The following KLHL4 variants were observed in gnomAD, a reference collection of about 807,000 sequenced individuals.
The protein encoded by KLHL4 is kelch like family member 4, also known as kelch-like protein 4.
KLHL4 carries 17 observed loss-of-function variants against 45.8 expected under a neutral mutation model. That is an observed-to-expected ratio of 0.37 (90% CI 0.25 to 0.56). KLHL4 has a LOEUF of 0.56. Ranked by LOEUF, KLHL4 falls within the 20% of genes least tolerant of loss-of-function variation. The pLI is 0.79. For missense variants in KLHL4, 544 were observed against 544.9 expected, an observed-to-expected ratio of 1.00 and a Z score of 0.02; for synonymous variants, 224 against 189.9, an observed-to-expected ratio of 1.18 and a Z score of -1.47.
At chrX:87,535,315 T>C (rs1287010271) in intron 1 of KLHL4, among the ~76,000 whole-genome samples, 1 of 111,732 alleles carries the variant, frequency 8.9e-6, no homozygotes, top group East Asian at 2.8e-4. Context: ...TTCTTCCTTC[T>C]GATAAAATTA....
Position 87,633,870 on chromosome X carries a change from A to T in KLHL4, c.1671A>T (p.Ser557=), listed in dbSNP as rs149752456. ...AGTGGAATTACGTAGCCAGTATGTC[A>T]ACTCCTAGAAGCACAGTTGGTGTTG... The part of the protein sequence containing the change: ...GRQWNYVASM[S]TPRSTVGVVA... Residue 557 remains serine, a synonymous_variant, in exon 8 of 11, where the codon TCA becomes TCT. Coordinates refer to ENST00000373119, the MANE Select transcript of KLHL4 (RefSeq NM_019117.5). 3.0e-4 allele frequency: 365 copies of T among 1,206,816 alleles called. 1 individual carries two copies. The Middle Eastern group carries it at 6.9e-3, about 23-fold the overall frequency.
chrX:87,517,908 C>G lies in KLHL4; in HGVS notation c.15C>G (p.Gly5=), dbSNP rs945698667. The G allele has an allele frequency of 8.3e-7, 1 of 1,202,575 alleles. No homozygotes were observed. Among genetic ancestry groups the G allele is most frequent in the African/African-American group, 1.8e-5 (1 of 57,020 alleles). Residue 5 remains glycine (G), a synonymous_variant, in exon 1 of 11, where the codon GGC becomes GGG. Transcript: ENST00000373119. MSVS[G]KKEFDVKQIL... ...CTCCTGCTACGATGTCAGTGTCTGGCAAGAAAGAGTTTGATGTGAAACAGA... is the reference window on the plus strand; with the variant it reads ...CTCCTGCTACGATGTCAGTGTCTGGGAAGAAAGAGTTTGATGTGAAACAGA...
Position 87,632,282 on chromosome X carries a change from G to A in KLHL4, c.1397G>A (p.Arg466Lys). The A allele has an allele frequency of 8.3e-7, 1 of 1,209,689 alleles. No homozygotes were observed. Residue 466 changes from arginine (R) to lysine (K), a missense_variant, in exon 7 of 11, where the codon AGG (arginine) becomes AAG (lysine). Physicochemically the swap from Arg to Lys is conservative, Grantham distance 26. Transcript: ENST00000373119. ...WLHIGTMNGR[R>K]LQFGVAVIDN... Reference sequence around the variant, plus strand: ...CATATTGGCACCATGAATGGCCGTAGGCTTCAATTTGGAGTCGCAGTTATT... The same window carrying A: ...CATATTGGCACCATGAATGGCCGTAAGCTTCAATTTGGAGTCGCAGTTATT...
intron 1 of KLHL4, among the ~76,000 whole-genome samples, chrX:87,519,338 T>C (rs1930956652): frequency 8.9e-6 from 1 of 112,006 alleles, no homozygotes; most frequent in African/African-American, 3.2e-5. Context: ...TACCTAAAAA[T>C]AGAGAAGAAG....
intron 1 of KLHL4, among the ~76,000 whole-genome samples, chrX:87,606,547 C>T (rs1405020227): frequency 1.8e-5 from 2 of 110,302 alleles, no homozygotes; most frequent in African/African-American, 6.6e-5. Flanking sequence ...CACAGAAATA[C>T]AAAAAAATTC....
chrX:87,603,726 T>C (rs1034143537), intron 1 of KLHL4, among the ~76,000 whole-genome samples: 2 of 110,705 alleles, frequency 1.8e-5, no homozygotes, highest in Non-Finnish European at 3.8e-5. Flanking sequence ...TATTTATTTC[T>C]TTGTGCTGAG....
At chrX:87,650,377 C>A (rs1271104741) in intron 9 of KLHL4, among the ~76,000 whole-genome samples, 1 of 111,981 alleles carries the variant, frequency 8.9e-6, no homozygotes, top group Non-Finnish European at 1.9e-5. Flanking sequence ...GGATTACAGG[C>A]GTGAGCCAAC....
At chrX:87,650,263 A>AT (rs1392193830) in intron 9 of KLHL4, among the ~76,000 whole-genome samples, 1 of 110,319 alleles carries the variant, frequency 9.1e-6, no homozygotes, top group African/African-American at 3.3e-5. Context: ...ACTCGGCAAA[A>AT]TTTTTTGTAA....
At chrX:87,531,370 G>T (rs12382059) in intron 1 of KLHL4, among the ~76,000 whole-genome samples, 28,652 of 110,084 alleles carry the variant, frequency 0.26, 3,104 homozygotes, top group East Asian at 0.54. Context: ...GTAATGCCTA[G>T]GTTTTCTTCT....
intron 1 of KLHL4, among the ~76,000 whole-genome samples, chrX:87,575,383 T>C (rs1365839861): frequency 9.0e-6 from 1 of 111,723 alleles, no homozygotes; most frequent in Non-Finnish European, 1.9e-5. Flanking sequence ...GATGATCTGA[T>C]GTGGAACAGT....
chrX:87,574,206 C>A (rs188419518), intron 1 of KLHL4, among the ~76,000 whole-genome samples: 2 of 111,189 alleles, frequency 1.8e-5, no homozygotes, highest in East Asian at 5.7e-4. Context: ...GAAATTTCAT[C>A]ATATCCAATA....
chrX:87,612,264 C>G (rs144912091), intron 1 of KLHL4, among the ~76,000 whole-genome samples: 276 of 111,928 alleles, frequency 2.5e-3, no homozygotes, highest in Non-Finnish European at 4.6e-3. Flanking sequence ...AAGGTTATCT[C>G]ATGGTAAGTG....
At chrX:87,534,254 C>T (rs1178873609) in intron 1 of KLHL4, among the ~76,000 whole-genome samples, 1 of 110,694 alleles carries the variant, frequency 9.0e-6, no homozygotes, top group African/African-American at 3.3e-5. Flanking sequence ...ATGTAGGGAG[C>T]TCATTAAAAA....
intron 1 of KLHL4, among the ~76,000 whole-genome samples, chrX:87,585,459 G>A (rs949687705): frequency 8.1e-5 from 9 of 111,253 alleles, no homozygotes; most frequent in African/African-American, 2.9e-4. Context: ...ACAACAAAAT[G>A]TTAAAGCAGG....
At chrX:87,648,988 A>T (rs1021446797) in intron 9 of KLHL4, among the ~76,000 whole-genome samples, 5 of 111,967 alleles carry the variant, frequency 4.5e-5, no homozygotes, top group Non-Finnish European at 1.9e-5. Context: ...AGTTAGCATA[A>T]GCAATAAACA....
At position 87,668,403 on chromosome X, in the gene KLHL4, A is replaced by G. The variant is rs1245064026; in HGVS notation, c.*1869A>G. The G allele has an allele frequency of 8.0e-6, 6 of 748,649 alleles. No homozygotes were observed. The African/African-American group carries it at 1.4e-4, about 17-fold the overall frequency. The allele number at this position is 748,649 out of a possible 1,213,427, so 61.7% of individuals were successfully genotyped here. ...AGTGAAAGTTGAATACTCTCTTCTC[A>G]ATGGCATAGCTGGACTTGATTAAGT... On this transcript the variant is annotated 3_prime_UTR_variant, in exon 11 of 11. Transcript: ENST00000373119.
At chrX:87,530,223 C>A (rs1322842184) in intron 1 of KLHL4, among the ~76,000 whole-genome samples, 1 of 110,062 alleles carries the variant, frequency 9.1e-6, no homozygotes, top group Non-Finnish European at 1.9e-5. Flanking sequence ...ATGGTAATGC[C>A]TAGGTTTTCT....
intron 9 of KLHL4, among the ~76,000 whole-genome samples, chrX:87,655,426 A>G (rs866428446): frequency 8.9e-6 from 1 of 112,144 alleles, no homozygotes; most frequent in African/African-American, 3.2e-5. Context: ...TGATTTCTTC[A>G]TGATTATATT....
At chrX:87,637,316 A>C (rs2147827114) in intron 9 of KLHL4, among the ~76,000 whole-genome samples, 1 of 111,977 alleles carries the variant, frequency 8.9e-6, no homozygotes, top group African/African-American at 3.3e-5. Context: ...CCCCCATAGG[A>C]CAAAAGAATC....
Sources: allele counts gnomAD v4.1 joint callset (sites outside exome capture counted in the v4.1 genomes callset), GRCh38; gene constraint gnomAD v4.1.1; transcripts MANE v1.5; gene names NCBI Gene and HGNC (gene_info 2026-07-23, HGNC 2026-07-21).